CCSER2: variants seen among roughly 807,000 people sequenced by gnomAD.
CCSER2 encodes the protein serine-rich coiled-coil domain-containing protein 2.
Under a neutral mutation model 92.3 loss-of-function variants are expected in CCSER2, and 46 were observed. The observed-to-expected ratio is 0.50, with a 90% CI of 0.39 to 0.64. The LOEUF is 0.64. Among genes scored for constraint, CCSER2 ranks in the 30% least tolerant of loss-of-function variants. The pLI, the probability that CCSER2 is intolerant of heterozygous loss-of-function variation, is 0.00. For synonymous variants in CCSER2, 433 were observed against 431.4 expected (o/e 1.00, Z -0.04); for missense variants, 1,244 against 1,238.9 (o/e 1.00, Z -0.06).
At chr10:84,345,850 G>C (rs934885620) in intron 1 of CCSER2, among the ~76,000 whole-genome samples, 2 of 151,802 alleles carry the variant, frequency 1.3e-5, no homozygotes, top group Non-Finnish European at 2.9e-5. Context: ...CAAGATTTTG[G>C]GATTGTGTAT....
chr10:84,351,496 T>C (rs1300441034), intron 1 of CCSER2, among the ~76,000 whole-genome samples: 2 of 152,074 alleles, frequency 1.3e-5, no homozygotes, highest in Non-Finnish European at 2.9e-5. Flanking sequence ...CCTCCCAAAA[T>C]CCCAAAATGC....
chr10:84,466,674 T>G (rs886715954), intron 7 of CCSER2, among the ~76,000 whole-genome samples: 5 of 151,328 alleles, frequency 3.3e-5, no homozygotes, highest in Admixed American at 3.3e-4. Context: ...CTGGCTAATT[T>G]TTTTTTTTTT....
At chr10:84,358,173 A>G (rs566118576) in intron 1 of CCSER2, among the ~76,000 whole-genome samples, 55 of 152,304 alleles carry the variant, frequency 3.6e-4, no homozygotes, top group Non-Finnish European at 6.5e-4. Flanking sequence ...AAAATCTTGT[A>G]TAGTTGCCGT....
intron 2 of CCSER2, among the ~76,000 whole-genome samples, chr10:84,373,403 T>A (rs1331679277): frequency 6.6e-6 from 1 of 152,106 alleles, no homozygotes; most frequent in Non-Finnish European, 1.5e-5. Context: ...CTAAATGAAT[T>A]TTCTTTTCCT....
intron 6 of CCSER2, among the ~76,000 whole-genome samples, chr10:84,442,190 C>G (rs1014013012): frequency 1.2e-4 from 18 of 145,772 alleles, no homozygotes; most frequent in African/African-American, 4.5e-4. Flanking sequence ...GTTGGACATT[C>G]AGTAAGAAAA....
intron 7 of CCSER2, among the ~76,000 whole-genome samples, chr10:84,470,023 T>C (rs1846688687): frequency 1.3e-5 from 2 of 150,042 alleles, no homozygotes; most frequent in South Asian, 4.2e-4. Flanking sequence ...ATTTTTTTTT[T>C]TTTTTTTTTT....
At chr10:84,501,822 G>GGAA (rs1491349170) in intron 9 of CCSER2, among the ~76,000 whole-genome samples, 1 of 29,042 alleles carries the variant, frequency 3.4e-5, no homozygotes, top group African/African-American at 7.2e-5. Context: ...GTCATCTAGG[G>GGAA]AAAAAAAAAA....
chr10:84,445,753 ATAT>A (rs1290742294), intron 6 of CCSER2, among the ~76,000 whole-genome samples: 1 of 152,210 alleles, frequency 6.6e-6, no homozygotes, highest in Admixed American at 6.5e-5. Flanking sequence ...CTTTTGCTTA[ATAT>A]TATATTCATG....
intron 3 of CCSER2, among the ~76,000 whole-genome samples, chr10:84,375,900 TCTTA>T (rs749102536): frequency 3.3e-5 from 5 of 151,390 alleles, no homozygotes; most frequent in African/African-American, 4.8e-5. Context: ...AAGTAGTATC[TCTTA>T]CTTAACCCCT....
Position 84,447,384 on chromosome 10 carries a change from T to C in CCSER2, c.2064+8677T>C, listed in dbSNP as rs1229494102. 2.0e-5 allele frequency among the ~76,000 whole-genome samples: 3 copies of C among 152,240 alleles called. No homozygotes were observed. In the East Asian group the frequency reaches 5.8e-4, roughly 29 times the overall value. ...TTTTGTATGTTTATGGAATGTTTGT[T>C]GCCCGATCATATGTTTTGTGTGTAT... On this transcript the variant is annotated intron_variant, in intron 6 of 9. Coordinates refer to ENST00000372088, the MANE Select transcript of CCSER2 (RefSeq NM_001284240.2).
At chr10:84,389,186 G>A (rs752558954) in intron 3 of CCSER2, 25 of 320,064 alleles carry the variant, frequency 7.8e-5, no homozygotes, top group East Asian at 5.3e-4. Context: ...CCATTCTACC[G>A]CACCACTGTT....
intron 3 of CCSER2, among the ~76,000 whole-genome samples, chr10:84,384,179 C>T (rs774528140): frequency 6.6e-6 from 1 of 152,094 alleles, no homozygotes; most frequent in African/African-American, 2.4e-5. Context: ...GATTCACAGT[C>T]GAATTTTACT....
intron 4 of CCSER2, among the ~76,000 whole-genome samples, chr10:84,422,532 G>C (rs890457455): frequency 6.6e-6 from 1 of 151,964 alleles, no homozygotes; most frequent in African/African-American, 2.4e-5. Context: ...CCTTCAGAAG[G>C]CCTATATTTT....
rs1201171837 is a variant in CCSER2 at position 84,514,277 on chromosome 10, C to G, written c.*10C>G. On this transcript the variant is annotated 3_prime_UTR_variant, in exon 10 of 10. Transcript: ENST00000372088. ...ACCAAAGATACATTAAGTACATAGC[C>G]ATCACCTGCCAATTTGTTTCTTAAA... is the stretch of plus-strand genomic sequence containing the variant. 4.7e-6 allele frequency: 7 copies of G among 1,499,346 alleles called. No homozygotes were observed. Among genetic ancestry groups the G allele is most frequent in the Non-Finnish European group, 6.3e-6 (7 of 1,118,728 alleles). The allele number at this position is 1,499,346 out of a possible 1,614,324, so 92.9% of individuals were successfully genotyped here.
chr10:84,428,865 T>C (rs1843587955), intron 5 of CCSER2, among the ~76,000 whole-genome samples: 1 of 151,992 alleles, frequency 6.6e-6, no homozygotes, highest in African/African-American at 2.4e-5. Flanking sequence ...GATAATCTTT[T>C]TTTTCCGCTT....
At position 84,457,286 on chromosome 10, in the gene CCSER2, T is replaced by TAAAA. The variant is rs1304320408; in HGVS notation, c.2065-6647_2065-6646insAAAA. ...TATATTATATATAATATATTATATA[T>TAAAA]TATATATTATATATAATATGTTATA... On this transcript the variant is annotated intron_variant, in intron 6 of 9. Transcript: ENST00000372088. 9.1e-4 allele frequency among the ~76,000 whole-genome samples: 66 copies of TAAAA among 72,350 alleles called. 1 individual carries two copies. The highest frequency in any genetic ancestry group is 1.2e-3 in the Non-Finnish European group (50 of 40,872). The allele number at this position is 72,350 out of a possible 152,430, so 47.5% of individuals were successfully genotyped here. A position where few individuals can be genotyped will look rare whatever the true frequency, so the allele number is the denominator to read the frequency against.
chr10:84,508,301 T>C (rs1371531233), intron 9 of CCSER2, among the ~76,000 whole-genome samples: 1 of 152,224 alleles, frequency 6.6e-6, no homozygotes, highest in Non-Finnish European at 1.5e-5. Context: ...AAGGGAACGC[T>C]GTTCTCTAAG....
intron 9 of CCSER2, among the ~76,000 whole-genome samples, chr10:84,504,297 CTTT>C (rs78289189): frequency 2.2e-5 from 3 of 137,536 alleles, no homozygotes; most frequent in African/African-American, 8.0e-5. Context: ...CAAAGTAAAG[CTTT>C]TTTTTTTTTT....
chr10:84,409,337 CTTA>C (rs1465174038), intron 3 of CCSER2, among the ~76,000 whole-genome samples: 1 of 151,688 alleles, frequency 6.6e-6, no homozygotes, highest in African/African-American at 2.4e-5. Flanking sequence ...ATGGGATCTC[CTTA>C]TGTTGCCCAG....
Sources: gnomAD v4.1 joint callset for allele counts (sites outside exome capture counted in the v4.1 genomes callset) on GRCh38, gnomAD v4.1.1 for gene constraint, MANE v1.5 for transcripts, NCBI Gene and HGNC (gene_info 2026-07-23, HGNC 2026-07-21) for gene names.